Variants in PCDHA8 observed in about 807,000 individuals in gnomAD.
The protein encoded by PCDHA8 is protocadherin alpha-8.
PCDHA8 carries 53 observed loss-of-function variants against 61.8 expected under a neutral mutation model. That is an observed-to-expected ratio of 0.86 (90% confidence interval 0.69 to 1.08). PCDHA8 has a LOEUF of 1.08. Among genes scored for constraint, PCDHA8 ranks in the 50% least tolerant of loss-of-function variants. The pLI, the probability that PCDHA8 is intolerant of heterozygous loss-of-function variation, is 0.00. For missense variants in PCDHA8, 1,293 were observed against 1,245.0 expected (o/e 1.04, Z -0.58); for synonymous variants, 618 against 556.6 (o/e 1.11, Z -1.55).
rs559205841 is a variant in PCDHA8 at position 140,922,691 on chromosome 5, C to G, written c.2395-56258C>G. On this transcript the variant is annotated intron_variant, in intron 1 of 3. Coordinates refer to ENST00000531613, the MANE Select transcript of PCDHA8 (RefSeq NM_018911.3). ...GCAGTAAAAAAGTGAACAGGCTCTGCTTCCATACAGTCAAGAACAAAAAGA... is the reference window on the plus strand; with the variant it reads ...GCAGTAAAAAAGTGAACAGGCTCTGGTTCCATACAGTCAAGAACAAAAAGA... 2.0e-4 allele frequency among the ~76,000 whole-genome samples: 30 copies of G among 152,262 alleles called. No individual in the cohort carries two copies. In the South Asian group the frequency reaches 6.0e-3, roughly 31 times the overall value.
chr5:140,979,882 A>C (rs1554241172), intron 2 of PCDHA8, among the ~76,000 whole-genome samples: 1 of 152,274 alleles, frequency 6.6e-6, no homozygotes, highest in Non-Finnish European at 1.5e-5. Context: ...TATCAAGTGA[A>C]TATTCACCAA....
chr5:140,905,158 T>C (rs2071634583), intron 1 of PCDHA8, among the ~76,000 whole-genome samples: 1 of 152,256 alleles, frequency 6.6e-6, no homozygotes, highest in South Asian at 2.1e-4. Context: ...TTTAGAATTT[T>C]CATGGTTTCA....
chr5:140,975,149 T>A (rs990599895), intron 1 of PCDHA8, among the ~76,000 whole-genome samples: 1 of 152,202 alleles, frequency 6.6e-6, no homozygotes, highest in Non-Finnish European at 1.5e-5. Flanking sequence ...CACTCTCAGT[T>A]CCTAGAGAAC....
chr5:141,009,239 G>T (rs1416549332), intron 3 of PCDHA8, among the ~76,000 whole-genome samples: 2 of 152,186 alleles, frequency 1.3e-5, no homozygotes, highest in Admixed American at 1.3e-4. Context: ...AGGATCTCTT[G>T]AGCTTCAGTG....
At chr5:140,995,860 A>C (rs1220139939) in intron 3 of PCDHA8, among the ~76,000 whole-genome samples, 1 of 152,220 alleles carries the variant, frequency 6.6e-6, no homozygotes, top group Non-Finnish European at 1.5e-5. Flanking sequence ...CGTATCACTT[A>C]ATAATTGTGC....
chr5:140,913,756 A>G (rs1184722554), intron 1 of PCDHA8, among the ~76,000 whole-genome samples: 1 of 152,072 alleles, frequency 6.6e-6, no homozygotes, highest in African/African-American at 2.4e-5. Context: ...GTTGTATCTC[A>G]TAGGTTTTGG....
intron 1 of PCDHA8, among the ~76,000 whole-genome samples, chr5:140,926,017 G>C (rs1222079500): frequency 2.0e-5 from 3 of 152,050 alleles, no homozygotes; most frequent in African/African-American, 7.2e-5. Context: ...GCCAGAGTCC[G>C]GAGGCAGTTT....
chr5:140,907,761 T>C (rs1554193135), intron 1 of PCDHA8, among the ~76,000 whole-genome samples: 4 of 152,182 alleles, frequency 2.6e-5, no homozygotes, highest in African/African-American at 9.7e-5. Flanking sequence ...ATGGGCCCAT[T>C]GGGTGATGAC....
chr5:140,901,443 T>C (rs1288584501), intron 1 of PCDHA8, among the ~76,000 whole-genome samples: 2 of 152,202 alleles, frequency 1.3e-5, no homozygotes, highest in Non-Finnish European at 2.9e-5. Flanking sequence ...ATATCTAGTT[T>C]CCCAGCACAG....
At chr5:140,994,563 G>A (rs1554254253) in intron 3 of PCDHA8, among the ~76,000 whole-genome samples, 1 of 151,976 alleles carries the variant, frequency 6.6e-6, no homozygotes, top group Non-Finnish European at 1.5e-5. Flanking sequence ...AAATTAGCCG[G>A]GTGTGGTGGC....
intron 1 of PCDHA8, among the ~76,000 whole-genome samples, chr5:140,956,676 G>A (rs1281224695): frequency 5.3e-5 from 8 of 152,126 alleles, no homozygotes; most frequent in Admixed American, 2.0e-4. Flanking sequence ...GAGTTAGGGA[G>A]GAGTACCTCC....
chr5:140,862,339 C>T (rs1221529489), intron 1 of PCDHA8: 2 of 332,834 alleles, frequency 6.0e-6, no homozygotes, highest in Non-Finnish European at 1.2e-5. Context: ...TTGACCCTAA[C>T]TTCAGTGCCA....
At chr5:140,866,828 T>C (rs1260647763) in intron 1 of PCDHA8, 1 of 152,140 alleles carries the variant, frequency 6.6e-6, no homozygotes, top group East Asian at 1.9e-4. Flanking sequence ...CTTCAATTGA[T>C]TTTACAAAAT....
intron 1 of PCDHA8, among the ~76,000 whole-genome samples, chr5:140,846,376 T>C (rs2150389253): frequency 0.033 from 4,309 of 129,342 alleles, 439 homozygotes; most frequent in African/African-American, 0.12. Flanking sequence ...TTTCTTTCTT[T>C]TTTTTTTTTT....
At chr5:140,967,464 G>T (rs781900904) in intron 1 of PCDHA8, 1 of 1,613,504 alleles carries the variant, frequency 6.2e-7, no homozygotes, top group Non-Finnish European at 8.5e-7. Context: ...GTGGATGGGG[G>T]CATCCCAGCC....
chr5:140,993,811 G>A (rs1554253953), intron 3 of PCDHA8, among the ~76,000 whole-genome samples: 3 of 152,154 alleles, frequency 2.0e-5, no homozygotes, highest in African/African-American at 2.4e-5. Flanking sequence ...TGTAGCCTAG[G>A]AGCAATAGGC....
At chr5:140,847,557 T>A (rs1457582246) in intron 1 of PCDHA8, 2 of 149,266 alleles carry the variant, frequency 1.3e-5, no homozygotes, top group Non-Finnish European at 3.0e-5. Context: ...AAAACAGAAA[T>A]TGCCCCGAGT....
In PCDHA8 at chr5:140,858,035, ACTGTG is replaced by A. The variant is rs564025916; in HGVS notation, c.2394+14323_2394+14327del. On this transcript the variant is annotated intron_variant, in intron 1 of 3. Transcript: ENST00000531613. Reference sequence around the variant, plus strand: ...CGAGCCGTCGCTGACGGCCACGGCCACTGTGCTTGTGTCGCTTGTGGAGGGCAGCC... The same window carrying A: ...CGAGCCGTCGCTGACGGCCACGGCCACTTGTGTCGCTTGTGGAGGGCAGCC... The A allele has an allele frequency of 2.7e-4, 428 of 1,597,220 alleles. 17 individuals are homozygous for A. The African/African-American group carries it at 5.1e-3, about 19-fold the overall frequency.
At chr5:140,914,788 T>G (rs2076845575) in intron 1 of PCDHA8, among the ~76,000 whole-genome samples, 1 of 152,192 alleles carries the variant, frequency 6.6e-6, no homozygotes, top group South Asian at 2.1e-4. Context: ...TTATGACCCA[T>G]TATTTTAAAC....
Sources: gnomAD v4.1 joint callset for allele counts (sites outside exome capture counted in the v4.1 genomes callset) on GRCh38, gnomAD v4.1.1 for gene constraint, MANE v1.5 for transcripts, NCBI Gene and HGNC (gene_info 2026-07-23, HGNC 2026-07-21) for gene names.